Variants in PIAS2 observed in about 807,000 individuals in gnomAD.
The protein encoded by PIAS2 is E3 SUMO-protein ligase PIAS2.
Under a neutral mutation model 69.7 loss-of-function variants are expected in PIAS2, and 19 were observed. The ratio of observed to expected loss-of-function variants is 0.27; its 90% CI spans 0.19 to 0.40. The LOEUF is 0.40. PIAS2 is among the 10% of genes least tolerant of loss of function. The pLI is 1.00. For missense variants in PIAS2, 624 were observed against 757.0 expected (o/e 0.82, Z 2.06); for synonymous variants, 261 against 263.2 (o/e 0.99, Z 0.08).
At chr18:46,870,692 T>C (rs998303900) in intron 2 of PIAS2, among the ~76,000 whole-genome samples, 10 of 147,426 alleles carry the variant, frequency 6.8e-5, no homozygotes, top group East Asian at 4.0e-4. Flanking sequence ...GCAGATCAAA[T>C]TGATCAATTC....
rs902972038 is a variant in PIAS2, at chr18:46,808,788, T to C, written c.*3645A>G. ...TCAGGAAAAATTAAGAAAATAAAAA[T>C]GTTTACTAAAGAAAGAATGGTCCGG... is the stretch of plus-strand genomic sequence containing the variant. On this transcript the variant is annotated 3_prime_UTR_variant, in exon 14 of 14. Transcript: ENST00000585916. The C allele has an allele frequency of 2.7e-5, 4 of 150,376 alleles. No homozygotes were observed. Among genetic ancestry groups the C allele is most frequent in the African/African-American group, 9.8e-5 (4 of 40,952 alleles). The allele number at this position is 150,376 out of a possible 1,614,324, so 9.3% of individuals were successfully genotyped here.
chr18:46,895,478 C>A (rs1353567193), intron 1 of PIAS2, among the ~76,000 whole-genome samples: 1 of 152,088 alleles, frequency 6.6e-6, no homozygotes, highest in Non-Finnish European at 1.5e-5. Context: ...GAAGAACAGC[C>A]AGGCCAAAAA....
intron 6 of PIAS2, 54 bp downstream of exon 6, chr18:46,846,653 A>G: frequency 6.7e-7 from 1 of 1,496,310 alleles, no homozygotes; most frequent in Middle Eastern, 1.8e-4. Flanking sequence ...AAAACACAGA[A>G]AGTCAACCCT....
Position 46,808,530 on chromosome 18 carries a change from T to G in PIAS2, c.*3903A>C, listed in dbSNP as rs1442939329. On this transcript the variant is annotated 3_prime_UTR_variant, in exon 14 of 14. Coordinates refer to ENST00000585916, the MANE Select transcript of PIAS2 (RefSeq NM_004671.5). The stretch of plus-strand genomic sequence containing the variant: ...TCCAAAAGCAGAGAAATGCTTAATT[T>G]TCTTCTACCTGTTTCACCACATTCA... 6.6e-6 allele frequency: 1 copy of G among 152,194 alleles called. No individual in the cohort carries two copies. Among genetic ancestry groups the G allele is most frequent in the African/African-American group, 2.4e-5 (1 of 41,446 alleles). The allele number at this position is 152,194 out of a possible 1,614,324, so 9.4% of individuals were successfully genotyped here.
chr18:46,804,418 C>T lies in PIAS2; in HGVS notation c.*8015G>A, dbSNP rs766660367. 6 of 152,138 alleles carry T rather than the reference C, an allele frequency of 3.9e-5. No individual in the cohort carries two copies. Among genetic ancestry groups the T allele is most frequent in the Non-Finnish European group, 7.4e-5 (5 of 68,026 alleles). The allele number at this position is 152,138 out of a possible 1,614,324, so 9.4% of individuals were successfully genotyped here. A position where few individuals can be genotyped will look rare whatever the true frequency, so the allele number is the denominator to read the frequency against. ...GCTGCATGACCCTGGGCAAGTAAGTCGCTTATCCTGTCAGAATCTGTTTCC... is the reference window on the plus strand; with the variant it reads ...GCTGCATGACCCTGGGCAAGTAAGTTGCTTATCCTGTCAGAATCTGTTTCC... On this transcript the variant is annotated 3_prime_UTR_variant, in exon 14 of 14. Transcript: ENST00000585916.
At chr18:46,834,344 T>C (rs1451811778) in intron 9 of PIAS2, among the ~76,000 whole-genome samples, 4 of 152,124 alleles carry the variant, frequency 2.6e-5, no homozygotes, top group African/African-American at 9.7e-5. Context: ...AAAGGGAAAC[T>C]GGGAAAATAC....
rs1599190561 is a variant in PIAS2 at position 46,803,828 on chromosome 18, T to G, written c.*8605A>C. ...CACAGTAGGGTGGGTCTACAAGGAG[T>G]TGCTTACACTTCCAGGTTTAATACA... On this transcript the variant is annotated 3_prime_UTR_variant, in exon 14 of 14. Transcript: ENST00000585916. The G allele has an allele frequency of 1.3e-5, 2 of 151,886 alleles. No individual in the cohort carries two copies. The highest frequency in any genetic ancestry group is 1.9e-4 in the East Asian group (1 of 5,184). 9.4% of individuals were successfully genotyped at this position (151,886 alleles called of 1,614,324 possible).
intron 11 of PIAS2, among the ~76,000 whole-genome samples, chr18:46,822,269 TG>T: frequency 6.6e-6 from 1 of 152,324 alleles, no homozygotes; most frequent in East Asian, 1.9e-4. Context: ...ATTGTTGAGT[TG>T]GCAACTATGT....
rs112771838 is a variant in PIAS2 at position 46,831,174 on chromosome 18, A to G, written c.1203-1307T>C. On this transcript the variant is annotated intron_variant, in intron 9 of 13. Transcript: ENST00000585916. The stretch of plus-strand genomic sequence containing the variant: ...ATCCTATGTAATCTATAATAAAGCT[A>G]CTAGAACTACTAAGGGATGGGAATA... Among the ~76,000 whole-genome samples the G allele has an allele frequency of 3.4e-3, 512 of 152,298 alleles. 3 individuals are homozygous for G. The highest frequency in any genetic ancestry group is 0.012 in the African/African-American group (488 of 41,560).
chr18:46,907,768 T>G (rs2056798547), intron 1 of PIAS2: 1 of 152,134 alleles, frequency 6.6e-6, no homozygotes, highest in Admixed American at 6.5e-5. Flanking sequence ...AGGGCCAACT[T>G]TTCCTATACA....
Position 46,917,391 on chromosome 18 carries a change from C to A in PIAS2, c.-46G>T. On this transcript the variant is annotated 5_prime_UTR_variant, in exon 1 of 14. Coordinates refer to ENST00000585916, the MANE Select transcript of PIAS2 (RefSeq NM_004671.5). ...CGCCGCCGCTGCCGCCGCACCCACT[C>A]CCGCTGCCGCCAACGACGCTGCCGC... 1 of 1,439,322 alleles carries A rather than the reference C, an allele frequency of 6.9e-7. No homozygotes were observed. Among genetic ancestry groups the A allele is most frequent in the Non-Finnish European group, 9.2e-7 (1 of 1,089,474 alleles). 89.2% of individuals were successfully genotyped at this position (1,439,322 alleles called of 1,614,324 possible). A position where few individuals can be genotyped will look rare whatever the true frequency, so the allele number is the denominator to read the frequency against.
chr18:46,891,688 T>A, intron 1 of PIAS2: 1 of 966,012 alleles, frequency 1.0e-6, no homozygotes, highest in East Asian at 1.1e-4. Flanking sequence ...AATTCCCAGC[T>A]GGGTATCCAA....
chr18:46,827,561 TA>T (rs1568388362), intron 11 of PIAS2: 1 of 157,856 alleles, frequency 6.3e-6, no homozygotes, highest in Non-Finnish European at 1.4e-5. Context: ...TCAATCAAAT[TA>T]AGTATTTCAT....
intron 1 of PIAS2, among the ~76,000 whole-genome samples, chr18:46,906,624 T>C (rs943723383): frequency 6.6e-6 from 1 of 152,074 alleles, no homozygotes; most frequent in Non-Finnish European, 1.5e-5. Flanking sequence ...CAAAACTTTA[T>C]TGAAAGATGT....
In PIAS2 at chr18:46,908,751, A is replaced by G. The variant is rs536975234; in HGVS notation, c.24+8571T>C. Among the ~76,000 whole-genome samples the G allele has an allele frequency of 8.5e-5, 13 of 152,310 alleles. No individual in the cohort carries two copies. The South Asian group carries it at 2.5e-3, about 29-fold the overall frequency. Reference sequence around the variant, plus strand: ...AGGCTGGATGCAGTTGCTCATGCCTATAATCCCAGCACTTTGGGAGACCAA... The same window carrying G: ...AGGCTGGATGCAGTTGCTCATGCCTGTAATCCCAGCACTTTGGGAGACCAA... On this transcript the variant is annotated intron_variant, in intron 1 of 13. Transcript: ENST00000585916.
Position 46,809,361 on chromosome 18 carries a change from A to G in PIAS2, c.*3072T>C, listed in dbSNP as rs542057505. The stretch of plus-strand genomic sequence containing the variant: ...ATTGTCAGAAAGTGAGTGAGTGACA[A>G]CAGACCTCAGGCACGAAACTATTTT... On this transcript the variant is annotated 3_prime_UTR_variant, in exon 14 of 14. Transcript: ENST00000585916. 57 of 152,352 alleles carry G rather than the reference A, an allele frequency of 3.7e-4. No homozygotes were observed. The highest frequency in any genetic ancestry group is 1.3e-3 in the African/African-American group (56 of 41,566). 9.4% of individuals were successfully genotyped at this position (152,352 alleles called of 1,614,324 possible). A position where few individuals can be genotyped will look rare whatever the true frequency, so the allele number is the denominator to read the frequency against.
chr18:46,890,606 T>A lies in PIAS2; in HGVS notation c.473A>T (p.Asp158Val). 1 of 1,613,486 alleles carries A rather than the reference T, an allele frequency of 6.2e-7. No homozygotes were observed. The highest frequency in any genetic ancestry group is 8.5e-7 in the Non-Finnish European group (1 of 1,179,480). ...TAAACTCGTGGGCTTGATGAGAACA[T>A]CAAGGACATCATAAAAGGGCAGATT... Reference protein sequence around the residue: ...LKNLPFYDVLDVLIKPTSLVQ... With the variant: ...LKNLPFYDVLVVLIKPTSLVQ... The change falls in exon 2 of 14, where the codon GAT becomes GTT. Residue 158 changes from aspartate (D) to valine (V), a missense_variant. Transcript: ENST00000585916.
intron 1 of PIAS2, chr18:46,915,417 T>C (rs1334095706): frequency 6.6e-6 from 1 of 152,142 alleles, no homozygotes; most frequent in African/African-American, 2.4e-5. Context: ...GAAAAGCAGA[T>C]GATGCTTACT....
At chr18:46,908,170 C>G (rs1226918928) in intron 1 of PIAS2, among the ~76,000 whole-genome samples, 1 of 152,076 alleles carries the variant, frequency 6.6e-6, no homozygotes, top group Non-Finnish European at 1.5e-5. Context: ...GAGATGGGGT[C>G]TCACCATGTT....
Sources: gnomAD v4.1 joint callset for allele counts (sites outside exome capture counted in the v4.1 genomes callset) on GRCh38, gnomAD v4.1.1 for gene constraint, MANE v1.5 for transcripts, NCBI Gene and HGNC (gene_info 2026-07-23, HGNC 2026-07-21) for gene names.